Variants in COX10 observed in about 807,000 individuals in gnomAD.
COX10 encodes the protein protoheme IX farnesyltransferase, mitochondrial.
COX10 carries 27 observed loss-of-function variants against 37.3 expected under a neutral mutation model. The observed-to-expected ratio is 0.72, with a 90% CI of 0.53 to 1.00. COX10 has a LOEUF of 1.00. COX10 is among the 50% of genes least tolerant of loss of function. The pLI, the probability that COX10 is intolerant of heterozygous loss-of-function variation, is 0.00. For synonymous variants in COX10, 222 were observed against 229.1 expected (o/e 0.97, Z 0.28); for missense variants, 475 against 563.2 (o/e 0.84, Z 1.59).
chr17:14,083,079 A>G (rs954425884), intron 3 of COX10, among the ~76,000 whole-genome samples: 1 of 152,232 alleles, frequency 6.6e-6, no homozygotes, highest in Non-Finnish European at 1.5e-5. Context: ...GAAGAGAGGC[A>G]TGCAAAGCAA....
At chr17:14,141,940 A>G (rs748499005) in intron 4 of COX10, among the ~76,000 whole-genome samples, 9 of 152,162 alleles carry the variant, frequency 5.9e-5, no homozygotes, top group Non-Finnish European at 8.8e-5. Flanking sequence ...TCTAAAGTAA[A>G]ATCTCTGATT....
At chr17:14,182,298 A>G (rs1338221206) in intron 5 of COX10, 5 of 739,264 alleles carry the variant, frequency 6.8e-6, no homozygotes, top group African/African-American at 4.3e-5. Context: ...AAATAAATAA[A>G]TAAATAAAAA....
chr17:14,156,497 G>A (rs111735223), intron 4 of COX10, among the ~76,000 whole-genome samples: 50 of 152,232 alleles, frequency 3.3e-4, no homozygotes, highest in African/African-American at 1.2e-3. Context: ...CAAAGTGCTG[G>A]GATTACAGGC....
chr17:14,134,997 T>G (rs1254731093), intron 4 of COX10, among the ~76,000 whole-genome samples: 2 of 151,716 alleles, frequency 1.3e-5, no homozygotes, highest in Non-Finnish European at 3.0e-5. Context: ...GCACTATTTT[T>G]TCTTTTATTC....
intron 5 of COX10, among the ~76,000 whole-genome samples, chr17:14,189,079 CT>C (rs150588459): frequency 0.19 from 20,918 of 112,158 alleles, 1,366 homozygotes; most frequent in Non-Finnish European, 0.23. Flanking sequence ...TCATTTTCTT[CT>C]TTTTTTTTTT....
chr17:14,136,062 A>G (rs944427377), intron 4 of COX10, among the ~76,000 whole-genome samples: 28 of 151,982 alleles, frequency 1.8e-4, no homozygotes, highest in Non-Finnish European at 3.2e-4. Flanking sequence ...AACAAAACAA[A>G]GAAAATGTAA....
chr17:14,156,265 G>C (rs1183008740), intron 4 of COX10, among the ~76,000 whole-genome samples: 1 of 152,024 alleles, frequency 6.6e-6, no homozygotes, highest in Non-Finnish European at 1.5e-5. Flanking sequence ...CTTAACTCTG[G>C]TCCAGGCTGG....
chr17:14,078,617 C>T (rs982562447), intron 3 of COX10, among the ~76,000 whole-genome samples: 5 of 152,152 alleles, frequency 3.3e-5, no homozygotes, highest in Admixed American at 6.5e-5. Context: ...ATTGGAAACA[C>T]GGGAGGCTGT....
At chr17:14,069,675 T>C in intron 1 of COX10, 27 bp downstream of exon 1, 1 of 1,613,794 alleles carries the variant, frequency 6.2e-7, no homozygotes. Context: ...GGGCACGACC[T>C]TGGGGGAAAT....
At chr17:14,096,597 T>C (rs1344575013) in intron 3 of COX10, among the ~76,000 whole-genome samples, 1 of 152,142 alleles carries the variant, frequency 6.6e-6, no homozygotes, top group Admixed American at 6.5e-5. Flanking sequence ...CTTGAACTCC[T>C]GACTTCAACG....
rs1171384092 is a variant in COX10 at position 14,121,995 on chromosome 17, G to A, written c.624+19753G>A. ...GCAAAAAGGAAGTAGTTGGCCATAC[G>A]GCTTGGGTCGTGTTGTTGAGTATCG... is the stretch of plus-strand genomic sequence containing the variant. On this transcript the variant is annotated intron_variant, in intron 4 of 6. Coordinates refer to ENST00000261643, the MANE Select transcript of COX10 (RefSeq NM_001303.4). Among the ~76,000 whole-genome samples the A allele has an allele frequency of 3.3e-5, 5 of 152,108 alleles. No individual in the cohort carries two copies. The East Asian group carries it at 5.8e-4, about 18-fold the overall frequency.
intron 6 of COX10, among the ~76,000 whole-genome samples, chr17:14,204,226 G>A (rs987144837): frequency 6.6e-6 from 1 of 152,082 alleles, no homozygotes; most frequent in Non-Finnish European, 1.5e-5. Flanking sequence ...CCTGTGGCTT[G>A]CTCAGGAAAA....
At chr17:14,205,502 G>A (rs1183859933) in intron 6 of COX10, among the ~76,000 whole-genome samples, 2 of 152,200 alleles carry the variant, frequency 1.3e-5, no homozygotes, top group African/African-American at 4.8e-5. Flanking sequence ...CTCGGTGCAG[G>A]CAGGAGCACG....
chr17:14,076,734 GTA>G lies in COX10; in HGVS notation c.179_180del (p.Tyr60CysfsTer25). 1 of 1,613,974 alleles carries G rather than the reference GTA, an allele frequency of 6.2e-7. No individual in the cohort carries two copies. ...ATAGTAATGTGTGCTTTTTTGTTTA[GTA>G]TGTCACACAGCTGAACAGAAGCCAC... The part of the protein sequence containing the change: ...FQHFSFLKRM[Y>X]VTQLNRSHNQ... On this transcript the variant is annotated frameshift_variant and splice_region_variant, in exon 3 of 7. Transcript: ENST00000261643. LOFTEE classifies it high-confidence loss of function.
At chr17:14,092,281 C>A (rs2142193393) in intron 3 of COX10, among the ~76,000 whole-genome samples, 1 of 152,136 alleles carries the variant, frequency 6.6e-6, no homozygotes, top group South Asian at 2.1e-4. Context: ...TGGTGAACTG[C>A]CTTGGTGACC....
intron 4 of COX10, among the ~76,000 whole-genome samples, chr17:14,155,961 C>T (rs906062525): frequency 6.6e-6 from 1 of 152,116 alleles, no homozygotes; most frequent in African/African-American, 2.4e-5. Context: ...ACCTCGTACA[C>T]AGCAGAGTCA....
At chr17:14,079,748 A>G (rs1915237200) in intron 3 of COX10, among the ~76,000 whole-genome samples, 1 of 152,130 alleles carries the variant, frequency 6.6e-6, no homozygotes. Flanking sequence ...CATTCTAGAT[A>G]AAAACCCCTG....
chr17:14,170,876 G>C (rs1253735207), intron 5 of COX10, among the ~76,000 whole-genome samples: 1 of 152,110 alleles, frequency 6.6e-6, no homozygotes, highest in Non-Finnish European at 1.5e-5. Flanking sequence ...ATAATAATAA[G>C]ATCACTAAAA....
In COX10 at chr17:14,088,958, G is replaced by A. The variant is rs1044304129; in HGVS notation, c.499+11902G>A. On this transcript the variant is annotated intron_variant, in intron 3 of 6. Transcript: ENST00000261643. ...TATAAGACTTTGCCTCTTAATTTGG[G>A]AGGGAAAGTTCTTGATAGGAATTTA... is the stretch of plus-strand genomic sequence containing the variant. 8.5e-5 allele frequency among the ~76,000 whole-genome samples: 13 copies of A among 152,306 alleles called. No individual in the cohort carries two copies. In the East Asian group the frequency reaches 2.5e-3, roughly 29 times the overall value.
Sources: allele counts gnomAD v4.1 joint callset (sites outside exome capture counted in the v4.1 genomes callset), GRCh38; gene constraint gnomAD v4.1.1; transcripts MANE v1.5; gene names NCBI Gene and HGNC (gene_info 2026-07-23, HGNC 2026-07-21).